SLC44A5: variants seen among roughly 807,000 people sequenced by gnomAD.
SLC44A5 encodes choline transporter-like protein 5.
In SLC44A5, 57 loss-of-function variants were observed where a neutral mutation model predicts 101.8. That is an observed-to-expected ratio of 0.56 (90% CI 0.45 to 0.70). The LOEUF (loss-of-function observed/expected upper bound fraction) is 0.70, where lower values mean the gene tolerates loss of function less well. Among genes scored for constraint, SLC44A5 ranks in the 30% least tolerant of loss-of-function variants. The probability of loss-of-function intolerance (pLI) is 0.00; values close to 1 mark genes in which losing one functional copy is unlikely to be tolerated. For synonymous variants in SLC44A5, 281 were observed against 290.9 expected (o/e 0.97, Z 0.35); for missense variants, 737 against 853.1 (o/e 0.86, Z 1.70).
chr1:75,269,108 T>C (rs1029612672), intron 6 of SLC44A5, among the ~76,000 whole-genome samples: 3 of 152,130 alleles, frequency 2.0e-5, no homozygotes, highest in African/African-American at 4.8e-5. Context: ...CCGGAAATTT[T>C]AATATTTTAA....
the SLC44A5 span, among the ~76,000 whole-genome samples, chr1:75,691,944 A>G: frequency 6.6e-6 from 1 of 152,114 alleles, no homozygotes; most frequent in Non-Finnish European, 1.5e-5. Flanking sequence ...GTTTCAATAT[A>G]TAAATTTGGA....
chr1:75,421,049 G>C (rs1450088238), intron 2 of SLC44A5, among the ~76,000 whole-genome samples: 1 of 152,038 alleles, frequency 6.6e-6, no homozygotes. Context: ...TTCAGAGGGG[G>C]AAATAGTTGT....
chr1:75,639,661 C>A, the SLC44A5 span, among the ~76,000 whole-genome samples: 1 of 152,130 alleles, frequency 6.6e-6, no homozygotes, highest in African/African-American at 2.4e-5. Flanking sequence ...CTTTTACATG[C>A]TAAACCTGGC....
intron 1 of SLC44A5, among the ~76,000 whole-genome samples, chr1:75,544,259 A>G (rs1482437346): frequency 6.6e-6 from 1 of 152,144 alleles, no homozygotes; most frequent in Non-Finnish European, 1.5e-5. Flanking sequence ...GCCTTCTGCC[A>G]TTATGATACA....
chr1:75,631,061 A>G, the SLC44A5 span, among the ~76,000 whole-genome samples: 5 of 152,206 alleles, frequency 3.3e-5, no homozygotes, highest in Non-Finnish European at 5.9e-5. Context: ...AAATACATCC[A>G]CTTCTCCATC....
chr1:75,218,864 G>T, intron 16 of SLC44A5, 112 bp from the exon 17 acceptor site: 1 of 962,562 alleles, frequency 1.0e-6, no homozygotes, highest in Non-Finnish European at 1.5e-6. Flanking sequence ...TTCTCTGTTA[G>T]CTCCTGCTCT....
chr1:75,408,280 C>A (rs1663038503), intron 2 of SLC44A5, among the ~76,000 whole-genome samples: 1 of 152,140 alleles, frequency 6.6e-6, no homozygotes. Context: ...TAAATTAGTT[C>A]AACCATTGTG....
intron 4 of SLC44A5, among the ~76,000 whole-genome samples, chr1:75,307,673 T>C (rs2100899733): frequency 2.0e-5 from 3 of 152,314 alleles, no homozygotes; most frequent in Middle Eastern, 3.4e-3. Context: ...AGAGCTTGCG[T>C]TTGAAAGCAT....
At position 75,267,690 on chromosome 1, in the gene SLC44A5, C is replaced by T. The variant is rs558628298; in HGVS notation, c.260+7268G>A. 2.0e-5 allele frequency among the ~76,000 whole-genome samples: 3 copies of T among 152,210 alleles called. No homozygotes were observed. The South Asian group carries it at 6.2e-4, about 32-fold the overall frequency. ...CTCAGCCTCCTGATAGCTGGGACTA[C>T]AGGCACTCCATCATGCTCAGCTAAT... is the stretch of plus-strand genomic sequence containing the variant. On this transcript the variant is annotated intron_variant, in intron 6 of 23. Coordinates refer to ENST00000370859, the MANE Select transcript of SLC44A5 (RefSeq NM_001130058.2).
At chr1:75,308,816 G>A (rs557271089) in intron 4 of SLC44A5, among the ~76,000 whole-genome samples, 2 of 152,280 alleles carry the variant, frequency 1.3e-5, no homozygotes, top group East Asian at 1.9e-4. Context: ...ATGAACTTCC[G>A]GAAATTCTCA....
In SLC44A5 at chr1:75,279,268, T is replaced by C. The variant is rs552959114; in HGVS notation, c.176-4226A>G. ...TGTACCTCCATGAGATCCACTTTTTTAAGTTTTTGTAATGTTAGAACAGAA... is the reference window on the plus strand; with the variant it reads ...TGTACCTCCATGAGATCCACTTTTTCAAGTTTTTGTAATGTTAGAACAGAA... On this transcript the variant is annotated intron_variant, in intron 5 of 23. Coordinates refer to ENST00000370859, the MANE Select transcript of SLC44A5 (RefSeq NM_001130058.2). 2.2e-4 allele frequency among the ~76,000 whole-genome samples: 34 copies of C among 152,226 alleles called. No individual in the cohort carries two copies. The South Asian group carries it at 6.8e-3, about 31-fold the overall frequency.
At chr1:75,443,600 T>A (rs572797784) in intron 2 of SLC44A5, among the ~76,000 whole-genome samples, 1 of 152,114 alleles carries the variant, frequency 6.6e-6, no homozygotes, top group East Asian at 1.9e-4. Context: ...CATATTTTTT[T>A]AAAGACCTAT....
At position 75,277,820 on chromosome 1, in the gene SLC44A5, C is replaced by T. The variant is rs375447948; in HGVS notation, c.176-2778G>A. Among the ~76,000 whole-genome samples, 5 of 152,054 alleles carry T rather than the reference C, an allele frequency of 3.3e-5. No homozygotes were observed. In the East Asian group the frequency reaches 7.7e-4, roughly 24 times the overall value. ...GAACTGTGGCAGGTGGTTGTGTTTA[C>T]TGAGCTGCTGCTACACCTCTCCACA... On this transcript the variant is annotated intron_variant, in intron 5 of 23. Transcript: ENST00000370859.
At chr1:75,607,873 G>A (rs1434406724) in intron 1 of SLC44A5, among the ~76,000 whole-genome samples, 1 of 151,732 alleles carries the variant, frequency 6.6e-6, no homozygotes, top group Non-Finnish European at 1.5e-5. Flanking sequence ...CCCAATCTTG[G>A]GTATGTCTTC....
chr1:75,645,420 G>A, the SLC44A5 span, among the ~76,000 whole-genome samples: 1 of 152,060 alleles, frequency 6.6e-6, no homozygotes, highest in South Asian at 2.1e-4. Context: ...CTGCATAAAT[G>A]TCTTCTTTTG....
chr1:75,702,572 G>A, the SLC44A5 span, among the ~76,000 whole-genome samples: 1 of 152,086 alleles, frequency 6.6e-6, no homozygotes, highest in African/African-American at 2.4e-5. Flanking sequence ...GAAAACCCAG[G>A]CAATACCATT....
At chr1:75,279,844 T>A (rs910365702) in intron 5 of SLC44A5, among the ~76,000 whole-genome samples, 1 of 151,920 alleles carries the variant, frequency 6.6e-6, no homozygotes, top group Non-Finnish European at 1.5e-5. Context: ...TTCTGAGATT[T>A]TGGTGCACCT....
intron 2 of SLC44A5, among the ~76,000 whole-genome samples, chr1:75,514,985 C>T (rs1382522822): frequency 6.6e-6 from 1 of 152,160 alleles, no homozygotes; most frequent in Non-Finnish European, 1.5e-5. Context: ...ATTAGGATCT[C>T]ATAGTTAGAC....
intron 3 of SLC44A5, among the ~76,000 whole-genome samples, chr1:75,351,472 T>G (rs1289289923): frequency 6.6e-6 from 1 of 152,104 alleles, no homozygotes; most frequent in Non-Finnish European, 1.5e-5. Context: ...CATTATGACC[T>G]CAGAGAGAGG....
Sources: gnomAD v4.1 joint callset for allele counts (sites outside exome capture counted in the v4.1 genomes callset) on GRCh38, gnomAD v4.1.1 for gene constraint, MANE v1.5 for transcripts, NCBI Gene and HGNC (gene_info 2026-07-23, HGNC 2026-07-21) for gene names.